The following KDM4B variants were observed in gnomAD, a reference collection of about 807,000 sequenced individuals.
The protein encoded by KDM4B is lysine-specific demethylase 4B.
Under a neutral mutation model 125.2 loss-of-function variants are expected in KDM4B, and 32 were observed. The observed-to-expected ratio is 0.26, with a 90% CI of 0.19 to 0.34. The LOEUF is 0.34. Among genes scored for constraint, KDM4B ranks in the 10% least tolerant of loss-of-function variants. KDM4B has a pLI of 1.00. For synonymous variants in KDM4B, 721 were observed against 677.9 expected, an observed-to-expected ratio of 1.06 and a Z score of -0.99; for missense variants, 1,190 against 1,577.7, an observed-to-expected ratio of 0.75 and a Z score of 4.16.
At chr19:5,144,648 C>T (rs1048035172) in intron 20 of KDM4B, 135 bp from the exon 21 acceptor site, 8 of 1,307,464 alleles carry the variant, frequency 6.1e-6, no homozygotes, top group African/African-American at 1.5e-5. Context: ...CGCCCCGCTA[C>T]CCCGGGCCCC....
At chr19:5,104,073 TC>T (rs1376339546) in intron 9 of KDM4B, among the ~76,000 whole-genome samples, 2 of 152,122 alleles carry the variant, frequency 1.3e-5, no homozygotes, top group Admixed American at 6.5e-5. Flanking sequence ...GGAAAAAGTG[TC>T]CTGTGGCTGC....
intron 6 of KDM4B, among the ~76,000 whole-genome samples, chr19:5,060,581 G>A (rs1288453857): frequency 2.0e-5 from 3 of 151,924 alleles, no homozygotes; most frequent in Non-Finnish European, 2.9e-5. Flanking sequence ...CAGAATAAAC[G>A]GCAAGGGGTC....
intron 9 of KDM4B, among the ~76,000 whole-genome samples, chr19:5,100,815 C>CT (rs1242400976): frequency 1.3e-5 from 2 of 152,148 alleles, no homozygotes; most frequent in African/African-American, 4.8e-5. Context: ...CATTTCTGCC[C>CT]TTTTTTGTCT....
Position 5,082,538 on chromosome 19 carries a change from A to G in KDM4B, c.918+34A>G. 1 of 1,536,570 alleles carries G rather than the reference A, an allele frequency of 6.5e-7. No homozygotes were observed. Among genetic ancestry groups the G allele is most frequent in the Non-Finnish European group, 8.7e-7 (1 of 1,146,996 alleles). ...TTGCCTGCTGGGAACGGGTCCCAGC[A>G]GGGCGGGAGGAGGCTCTTTTTTGCC... On this transcript the variant is annotated intron_variant, in intron 9 of 22. Transcript: ENST00000159111. The surrounding 1 kb of genome is among the most constrained non-coding windows in gnomAD (Gnocchi z 5.4).
At chr19:5,041,337 A>G in intron 5 of KDM4B, 86 bp downstream of exon 5, 1 of 1,013,848 alleles carries the variant, frequency 9.9e-7, no homozygotes, top group Non-Finnish European at 1.5e-6. Context: ...CTGCCTTGGC[A>G]GATGAAGCTT....
chr19:4,999,996 C>T, intron 1 of KDM4B, among the ~76,000 whole-genome samples: 1 of 135,376 alleles, frequency 7.4e-6, no homozygotes, highest in African/African-American at 2.8e-5. Context: ...TGTCCACCCA[C>T]CCACCCACCA....
intron 2 of KDM4B, among the ~76,000 whole-genome samples, chr19:5,027,086 G>T (rs1334431846): frequency 6.6e-6 from 1 of 152,254 alleles, no homozygotes; most frequent in Non-Finnish European, 1.5e-5. Flanking sequence ...GGGAGACAGA[G>T]AAAGGGGTCT....
chr19:4,983,446 G>C (rs1469315513), intron 1 of KDM4B, among the ~76,000 whole-genome samples: 1 of 152,254 alleles, frequency 6.6e-6, no homozygotes, highest in Non-Finnish European at 1.5e-5. Context: ...TGCGGCTGAA[G>C]AAGAGCTAGG....
intron 1 of KDM4B, among the ~76,000 whole-genome samples, chr19:4,985,661 T>C (rs903822023): frequency 9.2e-5 from 14 of 152,196 alleles, no homozygotes; most frequent in Non-Finnish European, 1.5e-4. Context: ...GGTGTGAGCA[T>C]GGCAGGAGGC....
chr19:4,995,094 A>G (rs2035157386), intron 1 of KDM4B, among the ~76,000 whole-genome samples: 1 of 152,144 alleles, frequency 6.6e-6, no homozygotes, highest in African/African-American at 2.4e-5. Flanking sequence ...CAGTGAAATG[A>G]ACACATCAAA....
At chr19:5,023,975 C>T (rs988479760) in intron 2 of KDM4B, among the ~76,000 whole-genome samples, 3 of 151,936 alleles carry the variant, frequency 2.0e-5, no homozygotes, top group African/African-American at 7.3e-5. Context: ...TCATCCTGAA[C>T]ATCTAGCCCC....
chr19:5,029,099 C>T (rs934234506), intron 2 of KDM4B, among the ~76,000 whole-genome samples: 6 of 152,158 alleles, frequency 3.9e-5, no homozygotes, highest in East Asian at 1.9e-4. Flanking sequence ...TTTATAGAGA[C>T]GGAGTCTCAC....
At position 5,114,149 on chromosome 19, in the gene KDM4B, C is replaced by T. The variant is rs145018827; in HGVS notation, c.1115+3331C>T. 1.2e-5 allele frequency: 16 copies of T among 1,289,558 alleles called. No individual in the cohort carries two copies. The East Asian group carries it at 8.9e-4, about 72-fold the overall frequency. The allele number at this position is 1,289,558 out of a possible 1,614,324, so 79.9% of individuals were successfully genotyped here. A position where few individuals can be genotyped will look rare whatever the true frequency, so the allele number is the denominator to read the frequency against. On this transcript the variant is annotated intron_variant, in intron 10 of 22. Coordinates refer to ENST00000159111, the MANE Select transcript of KDM4B (RefSeq NM_015015.3). This position sits in a 1 kb window ranked among gnomAD's most constrained non-coding sequence, Gnocchi z 5.8. The stretch of plus-strand genomic sequence containing the variant: ...TGAGCCGGAGCCCTCACAGTGCTCT[C>T]TGGCACCCACGCGACGCTCCTCCAT...
chr19:5,149,337 TTTG>T (rs913037010), intron 21 of KDM4B, among the ~76,000 whole-genome samples: 27 of 152,244 alleles, frequency 1.8e-4, no homozygotes, highest in African/African-American at 6.3e-4. Context: ...ATGTGTGCAT[TTTG>T]TTCATTTTGA....
chr19:5,062,797 T>TTTTTTTC, intron 6 of KDM4B, among the ~76,000 whole-genome samples: 1 of 133,316 alleles, frequency 7.5e-6, no homozygotes, highest in Non-Finnish European at 1.6e-5. Context: ...TTTTTTTTTT[T>TTTTTTTC]AGAGATAGAG....
rs760451116 is a variant in KDM4B, at chr19:5,033,018, C to T, written c.128C>T (p.Ala43Val). The change falls in exon 3 of 23, where the codon GCG (alanine) becomes GTG (valine). Residue 43 changes from alanine to valine, a missense_variant. Around this residue, in one of 7 missense-constraint regions of KDM4B, gnomAD observed 139 missense variants for 248.3 expected, o/e 0.56. Coordinates refer to ENST00000159111, the MANE Select transcript of KDM4B (RefSeq NM_015015.3). ...AYIESQGAHR[A>V]GLAKIIPPKE... is the part of the protein sequence containing the mutation. ...ATAGAGTCGCAGGGAGCCCACCGGGCGGGCCTGGCCAAGGTGGGTGACATC... is the reference window on the plus strand; with the variant it reads ...ATAGAGTCGCAGGGAGCCCACCGGGTGGGCCTGGCCAAGGTGGGTGACATC... 6 of 1,613,448 alleles carry T rather than the reference C, an allele frequency of 3.7e-6. No individual in the cohort carries two copies. Among genetic ancestry groups the T allele is most frequent in the Non-Finnish European group, 4.2e-6 (5 of 1,179,866 alleles).
At chr19:5,103,115 AG>A (rs1289516096) in intron 9 of KDM4B, among the ~76,000 whole-genome samples, 10 of 152,136 alleles carry the variant, frequency 6.6e-5, no homozygotes, top group Admixed American at 6.5e-5. Flanking sequence ...CACTGCTGCC[AG>A]TGGGGCCGGT....
intron 1 of KDM4B, among the ~76,000 whole-genome samples, chr19:4,984,131 G>T (rs1314568270): frequency 6.6e-6 from 1 of 152,140 alleles, no homozygotes; most frequent in Non-Finnish European, 1.5e-5. Flanking sequence ...ACCCTGCAGT[G>T]CCCCGGGCGG....
At chr19:5,116,037 G>C (rs2039247962) in intron 10 of KDM4B, among the ~76,000 whole-genome samples, 1 of 152,088 alleles carries the variant, frequency 6.6e-6, no homozygotes, top group African/African-American at 2.4e-5. Flanking sequence ...GCATCGCTGT[G>C]AAATTTCACA....
Sources: allele counts gnomAD v4.1 joint callset (sites outside exome capture counted in the v4.1 genomes callset), GRCh38; gene constraint gnomAD v4.1.1; regional missense constraint gnomAD v4.1.1; non-coding constraint Gnocchi (gnomAD v3.1); transcripts MANE v1.5; gene names NCBI Gene and HGNC (gene_info 2026-07-23, HGNC 2026-07-21).